NEK5: variants seen among roughly 807,000 people sequenced by gnomAD.
NEK5 encodes serine/threonine-protein kinase Nek5.
Under a neutral mutation model 109.2 loss-of-function variants are expected in NEK5, and 88 were observed. The observed-to-expected ratio is 0.81, with a 90% CI of 0.68 to 0.96. The LOEUF (loss-of-function observed/expected upper bound fraction) is 0.96. Among genes scored for constraint, NEK5 ranks in the 40% least tolerant of loss-of-function variants. The pLI, the probability that NEK5 is intolerant of heterozygous loss-of-function variation, is 0.00. For missense variants in NEK5, 834 were observed against 920.7 expected, an observed-to-expected ratio of 0.91 and a Z score of 1.22; for synonymous variants, 283 against 299.9, an observed-to-expected ratio of 0.94 and a Z score of 0.58.
At chr13:52,063,915 T>C (rs7998985) in intron 21 of NEK5, among the ~76,000 whole-genome samples, 102,505 of 147,878 alleles carry the variant, frequency 0.69, 35,524 homozygotes, top group Middle Eastern at 0.76. Flanking sequence ...GGTCAGCCCC[T>C]GCCAGGCCAG....
rs778837550 is a variant in NEK5, at chr13:52,127,376, T to C, written c.107A>G (p.Asn36Ser). The change falls in exon 3 of 24, where the codon AAT (asparagine) becomes AGT (serine). Residue 36 changes from asparagine to serine, a missense_variant. By Grantham distance (46) the Asn-to-Ser change is conservative (BLOSUM62 1). This residue lies in a region of NEK5 where 777 missense variants were observed against 824.7 expected (regional missense o/e 0.94). Coordinates refer to ENST00000684899, the MANE Select transcript of NEK5 (RefSeq NM_001365552.1). ...DSKHCVIKEI[N>S]FEKMPIQEKE... ...TGAACTTAACTTTACCTTTTCAAAA[T>C]TGATCTCTTTTATGACACAGTGCTT... 21 of 1,568,140 alleles carry C rather than the reference T, an allele frequency of 1.3e-5. No homozygotes were observed. The East Asian group carries it at 4.0e-4, about 30-fold the overall frequency.
intron 11 of NEK5, 36 bp from the exon 12 acceptor site, chr13:52,099,912 A>T: frequency 6.5e-7 from 1 of 1,546,338 alleles, no homozygotes. Flanking sequence ...TCAATTTTTT[A>T]AAAATTGTAC....
chr13:52,045,180 A>G (rs1593915088), intron 23 of NEK5, among the ~76,000 whole-genome samples: 1 of 120,750 alleles, frequency 8.3e-6, no homozygotes, highest in South Asian at 2.7e-4. Flanking sequence ...CCCAGGCTGG[A>G]GTGCAGTGGT....
At chr13:52,085,796 A>G (rs1955129723) in intron 16 of NEK5, among the ~76,000 whole-genome samples, 1 of 152,210 alleles carries the variant, frequency 6.6e-6, no homozygotes, top group Admixed American at 6.5e-5. Flanking sequence ...TGGCGCCTTT[A>G]AGAGATTTTT....
At chr13:52,099,077 T>C (rs1317065766) in intron 12 of NEK5, among the ~76,000 whole-genome samples, 4 of 152,212 alleles carry the variant, frequency 2.6e-5, no homozygotes, top group African/African-American at 9.6e-5. Flanking sequence ...CTGGGTTGTT[T>C]GTAACTCAAA....
intron 7 of NEK5, 39 bp from the exon 8 acceptor site, chr13:52,108,443 T>G: frequency 1.5e-6 from 2 of 1,305,914 alleles, no homozygotes; most frequent in Non-Finnish European, 2.2e-6. Flanking sequence ...GCATGATTTT[T>G]TATTGGAGTA....
intron 3 of NEK5, among the ~76,000 whole-genome samples, chr13:52,124,349 G>A (rs1956023855): frequency 6.6e-6 from 1 of 152,068 alleles, no homozygotes; most frequent in African/African-American, 2.4e-5. Flanking sequence ...GTCTTTCTTT[G>A]TACATATATG....
intron 23 of NEK5, 38 bp downstream of exon 23, chr13:52,050,066 C>A: frequency 1.3e-6 from 1 of 746,716 alleles, no homozygotes; most frequent in Non-Finnish European, 1.6e-6. Context: ...CACTTTGTAC[C>A]AGTGCTCGAC....
At chr13:52,080,284 C>T (rs11148237) in intron 17 of NEK5, among the ~76,000 whole-genome samples, 11 of 148,348 alleles carry the variant, frequency 7.4e-5, no homozygotes, top group Non-Finnish European at 1.2e-4. Flanking sequence ...GTCAGCCCCC[C>T]GCCCGGCCAG....
chr13:52,082,587 T>C (rs1026396671), intron 17 of NEK5, among the ~76,000 whole-genome samples: 1 of 152,166 alleles, frequency 6.6e-6, no homozygotes, highest in Non-Finnish European at 1.5e-5. Context: ...AAAAAAACTC[T>C]CTTGAGATTT....
intron 17 of NEK5, among the ~76,000 whole-genome samples, chr13:52,081,348 G>A (rs1481758360): frequency 1.3e-5 from 2 of 152,118 alleles, no homozygotes; most frequent in African/African-American, 2.4e-5. Context: ...GAGCCTTCAG[G>A]AAATATCAGA....
intron 3 of NEK5, among the ~76,000 whole-genome samples, chr13:52,124,456 T>C (rs1175026956): frequency 6.6e-6 from 1 of 152,240 alleles, no homozygotes; most frequent in Non-Finnish European, 1.5e-5. Context: ...ATTGCAAACA[T>C]TGAAATTTTC....
At position 52,034,203 on chromosome 13, in the gene NEK5, G is replaced by A. The variant is rs965348832; in HGVS notation, c.*2745C>T. 2.0e-5 allele frequency: 3 copies of A among 152,186 alleles called. No homozygotes were observed. The highest frequency in any genetic ancestry group is 2.0e-4 in the Admixed American group (3 of 15,278). 9.4% of individuals were successfully genotyped at this position (152,186 alleles called of 1,614,324 possible). A position where few individuals can be genotyped will look rare whatever the true frequency, so the allele number is the denominator to read the frequency against. On this transcript the variant is annotated 3_prime_UTR_variant, in exon 24 of 24. Transcript: ENST00000684899. The stretch of plus-strand genomic sequence containing the variant: ...ATAAAAAAATTTTTAATGCATACAG[G>A]TCTGGTGAACAGTTTCAATTTAACG...
Position 52,033,938 on chromosome 13 carries a change from C to G in NEK5, c.*3010G>C, listed in dbSNP as rs1421621025. 1 of 152,162 alleles carries G rather than the reference C, an allele frequency of 6.6e-6. No individual in the cohort carries two copies. Among genetic ancestry groups the G allele is most frequent in the Non-Finnish European group, 1.5e-5 (1 of 68,034 alleles). 9.4% of individuals were successfully genotyped at this position (152,162 alleles called of 1,614,324 possible). On this transcript the variant is annotated 3_prime_UTR_variant, in exon 24 of 24. Coordinates refer to ENST00000684899, the MANE Select transcript of NEK5 (RefSeq NM_001365552.1). ...AGCAAATTATGTCCTGTAATTTACC[C>G]CCCTCCCCGCTGCTCCTCTGCTAAC...
intron 15 of NEK5, 90 bp downstream of exon 15, chr13:52,087,248 G>T: frequency 1.5e-6 from 1 of 675,560 alleles, no homozygotes; most frequent in Non-Finnish European, 2.7e-6. Flanking sequence ...CAGGGGCACT[G>T]TAGGAAATAG....
At chr13:52,056,706 A>T (rs1386024691) in intron 22 of NEK5, among the ~76,000 whole-genome samples, 1 of 151,886 alleles carries the variant, frequency 6.6e-6, no homozygotes, top group Non-Finnish European at 1.5e-5. Context: ...TAGTGGGTAC[A>T]TAACGATATG....
chr13:52,077,087 C>A (rs1954882665), intron 17 of NEK5, among the ~76,000 whole-genome samples: 1 of 152,132 alleles, frequency 6.6e-6, no homozygotes, highest in Non-Finnish European at 1.5e-5. Context: ...TGATATTGGA[C>A]CTTGGCATAT....
intron 22 of NEK5, 120 bp downstream of exon 22, chr13:52,061,699 G>A (rs547766702): frequency 1.6e-4 from 37 of 233,936 alleles, no homozygotes; most frequent in Admixed American, 2.6e-4. Flanking sequence ...TTCTGAAAAG[G>A]CTAGACACCC....
intron 22 of NEK5, among the ~76,000 whole-genome samples, chr13:52,056,198 G>T (rs1048078892): frequency 2.6e-5 from 4 of 151,980 alleles, no homozygotes; most frequent in East Asian, 1.9e-4. Context: ...AAGAGACAAA[G>T]AAGGCCATTA....
Sources: allele counts gnomAD v4.1 joint callset (sites outside exome capture counted in the v4.1 genomes callset), GRCh38; gene constraint gnomAD v4.1.1; regional missense constraint gnomAD v4.1.1; transcripts MANE v1.5; gene names NCBI Gene and HGNC (gene_info 2026-07-23, HGNC 2026-07-21).